Variants in ADD2 observed in about 807,000 individuals in gnomAD.
ADD2 encodes the protein adducin 2.
ADD2 carries 23 observed loss-of-function variants against 83.0 expected under a neutral mutation model. That is an observed-to-expected ratio of 0.28 (90% CI 0.20 to 0.39). ADD2 has a LOEUF of 0.39. Ranked by LOEUF, ADD2 falls within the 10% of genes least tolerant of loss-of-function variation. ADD2 has a pLI of 1.00. For synonymous variants in ADD2, 375 were observed against 375.4 expected, an observed-to-expected ratio of 1.00 and a Z score of 0.01; for missense variants, 758 against 944.9, an observed-to-expected ratio of 0.80 and a Z score of 2.59.
At chr2:70,767,498 A>T in intron 1 of ADD2, 1 of 412,146 alleles carries the variant, frequency 2.4e-6, no homozygotes, top group Non-Finnish European at 3.4e-6. Context: ...GCCGAGCGGG[A>T]AGGAAAGAGA....
chr2:70,728,180 C>A (rs1273637130), intron 1 of ADD2, among the ~76,000 whole-genome samples: 1 of 152,198 alleles, frequency 6.6e-6, no homozygotes, highest in Non-Finnish European at 1.5e-5. Context: ...GCTGGTCACT[C>A]TTGTCCGTCC....
At chr2:70,684,542 G>A (rs931194509) in intron 9 of ADD2, among the ~76,000 whole-genome samples, 16 of 152,150 alleles carry the variant, frequency 1.1e-4, no homozygotes, top group African/African-American at 3.6e-4. Context: ...AACCACCATT[G>A]CTGACCTCTC....
intron 4 of ADD2, 58 bp downstream of exon 4, chr2:70,704,263 T>TGGGCCCCCCCCCCCCCCCCCCCCCC: frequency 4.6e-5 from 42 of 913,220 alleles, no homozygotes; most frequent in African/African-American, 7.0e-5. Flanking sequence ...CTCCCTCTCT[T>TGGGCCCCCCCCCCCCCCCCCCCCCC]CCCCACCCCA....
chr2:70,725,354 G>A (rs1553378047), intron 1 of ADD2, among the ~76,000 whole-genome samples: 1 of 152,134 alleles, frequency 6.6e-6, no homozygotes, highest in Non-Finnish European at 1.5e-5. Flanking sequence ...GTCTGGGAAT[G>A]TTCCAAGGGA....
At chr2:70,713,795 G>A (rs145834672) in intron 1 of ADD2, among the ~76,000 whole-genome samples, 28 of 152,176 alleles carry the variant, frequency 1.8e-4, no homozygotes, top group Middle Eastern at 3.4e-3. Context: ...ACGTGGTGGC[G>A]AGTTGCTGGG....
chr2:70,725,007 A>G (rs1672915670), intron 1 of ADD2, among the ~76,000 whole-genome samples: 1 of 152,188 alleles, frequency 6.6e-6, no homozygotes, highest in Non-Finnish European at 1.5e-5. Context: ...TCATAATTTC[A>G]GAAGCATTAT....
At chr2:70,702,913 AC>A (rs1553373689) in intron 4 of ADD2, among the ~76,000 whole-genome samples, 3 of 152,054 alleles carry the variant, frequency 2.0e-5, no homozygotes, top group African/African-American at 7.2e-5. Context: ...GATCACTTGA[AC>A]CCAGAAGTGC....
At chr2:70,733,966 C>G (rs2104475287) in intron 1 of ADD2, among the ~76,000 whole-genome samples, 1 of 152,292 alleles carries the variant, frequency 6.6e-6, no homozygotes, top group Non-Finnish European at 1.5e-5. Context: ...GTCAAGGAAA[C>G]CAGTCCGTTC....
At chr2:70,686,497 C>T (rs971181219) in intron 9 of ADD2, among the ~76,000 whole-genome samples, 2 of 152,210 alleles carry the variant, frequency 1.3e-5, no homozygotes, top group Admixed American at 6.5e-5. Flanking sequence ...GCATACTTCA[C>T]CATGTGGGGT....
intron 8 of ADD2, among the ~76,000 whole-genome samples, chr2:70,689,813 GCAA>G (rs1322577910): frequency 1.3e-5 from 2 of 152,186 alleles, no homozygotes; most frequent in East Asian, 3.9e-4. Context: ...GTTCAGTCAA[GCAA>G]CAACAAGATT....
At chr2:70,667,383 G>A (rs1223262752) in intron 15 of ADD2, among the ~76,000 whole-genome samples, 7 of 146,326 alleles carry the variant, frequency 4.8e-5, no homozygotes, top group African/African-American at 1.7e-4. Flanking sequence ...GGACTAAAAG[G>A]CTGCTAGAGG....
intron 14 of ADD2, among the ~76,000 whole-genome samples, chr2:70,673,540 T>C (rs1669996604): frequency 6.6e-6 from 1 of 152,246 alleles, no homozygotes; most frequent in African/African-American, 2.4e-5. Flanking sequence ...CATGTTCCTC[T>C]ATTTGCTTTT....
chr2:70,670,702 T>C (rs1669859470), intron 15 of ADD2, among the ~76,000 whole-genome samples: 1 of 152,116 alleles, frequency 6.6e-6, no homozygotes, highest in African/African-American at 2.4e-5. Context: ...GTGGGCTAGA[T>C]GTGAAAGAGC....
At chr2:70,694,289 G>A (rs1409635082) in intron 6 of ADD2, among the ~76,000 whole-genome samples, 1 of 152,138 alleles carries the variant, frequency 6.6e-6, no homozygotes, top group Non-Finnish European at 1.5e-5. Context: ...TAAGCATAGA[G>A]GCCCGGAATT....
intron 13 of ADD2, chr2:70,675,644 G>C (rs1553368116): frequency 8.1e-6 from 8 of 985,322 alleles, no homozygotes; most frequent in Non-Finnish European, 6.0e-6. Flanking sequence ...GGAGCAAAGA[G>C]AGTGAAGCCA....
chr2:70,754,848 C>T (rs180972858), intron 1 of ADD2, among the ~76,000 whole-genome samples: 35 of 152,292 alleles, frequency 2.3e-4, no homozygotes, highest in Non-Finnish European at 3.2e-4. Context: ...CACCCCACCT[C>T]CTAGCAATTC....
chr2:70,726,945 C>A (rs991588372), intron 1 of ADD2, among the ~76,000 whole-genome samples: 1 of 152,196 alleles, frequency 6.6e-6, no homozygotes, highest in Non-Finnish European at 1.5e-5. Flanking sequence ...AGTCCCCAAC[C>A]CCACAATGCA....
chr2:70,677,753 C>A lies in ADD2; in HGVS notation c.1503+5G>T. 2.5e-6 allele frequency: 4 copies of A among 1,614,110 alleles called. No homozygotes were observed. The South Asian group carries it at 4.4e-5, about 18-fold the overall frequency. ...GAAAGAGTGGGATAAACAGACCCCA[C>A]TTACCTTGTTCCTCATCTCCAGTAC... On this transcript the variant is annotated splice_donor_5th_base_variant and intron_variant, in intron 12 of 15. Transcript: ENST00000264436.
chr2:70,686,458 T>C (rs1012619740), intron 9 of ADD2, among the ~76,000 whole-genome samples: 2 of 152,120 alleles, frequency 1.3e-5, no homozygotes, highest in Non-Finnish European at 2.9e-5. Flanking sequence ...GCCCAGAAAC[T>C]GTTTCTGGGG....
Sources: gnomAD v4.1 joint callset for allele counts (sites outside exome capture counted in the v4.1 genomes callset) on GRCh38, gnomAD v4.1.1 for gene constraint, MANE v1.5 for transcripts, NCBI Gene and HGNC (gene_info 2026-07-23, HGNC 2026-07-21) for gene names.